The following SGTB variants were observed in gnomAD, a reference collection of about 807,000 sequenced individuals.
SGTB encodes the protein small glutamine rich tetratricopeptide repeat co-chaperone beta.
SGTB carries 19 observed loss-of-function variants against 43.9 expected under a neutral mutation model. That is an observed-to-expected ratio of 0.43 (90% CI 0.30 to 0.63). The LOEUF is 0.63. Ranked by LOEUF, SGTB falls within the 30% of genes least tolerant of loss-of-function variation. The probability of loss-of-function intolerance (pLI) is 0.12; values close to 1 mark genes in which losing one functional copy is unlikely to be tolerated. For synonymous variants in SGTB, 116 were observed against 117.3 expected, an observed-to-expected ratio of 0.99 and a Z score of 0.07; for missense variants, 304 against 358.9, an observed-to-expected ratio of 0.85 and a Z score of 1.24.
At chr5:65,716,803 G>A (rs1758160735) in intron 2 of SGTB, among the ~76,000 whole-genome samples, 1 of 151,934 alleles carries the variant, frequency 6.6e-6, no homozygotes. Flanking sequence ...CTGGGCTGAG[G>A]GCATAAATTT....
At chr5:65,700,391 G>A (rs781236124) in intron 5 of SGTB, among the ~76,000 whole-genome samples, 106 of 152,262 alleles carry the variant, frequency 7.0e-4, no homozygotes, top group Middle Eastern at 6.8e-3. Flanking sequence ...AGAATGAGCC[G>A]GGTGCGGTGG....
intron 8 of SGTB, among the ~76,000 whole-genome samples, chr5:65,676,942 G>A (rs1473687518): frequency 1.3e-5 from 2 of 149,742 alleles, no homozygotes; most frequent in Admixed American, 6.7e-5. Context: ...AACAAACCCC[G>A]AAGCTAGCAG....
intron 5 of SGTB, among the ~76,000 whole-genome samples, chr5:65,687,322 C>CACA (rs1445608568): frequency 3.9e-5 from 6 of 152,154 alleles, no homozygotes; most frequent in African/African-American, 1.4e-4. Context: ...GTATAAGGAG[C>CACA]ACAACCTTCC....
chr5:65,674,336 C>G (rs150496953), intron 8 of SGTB, among the ~76,000 whole-genome samples: 3 of 152,310 alleles, frequency 2.0e-5, no homozygotes, highest in African/African-American at 7.2e-5. Flanking sequence ...TCCTGTCACA[C>G]TTCCAGGAAA....
intron 5 of SGTB, among the ~76,000 whole-genome samples, chr5:65,699,354 G>T (rs1454809378): frequency 2.6e-5 from 4 of 152,198 alleles, no homozygotes; most frequent in Non-Finnish European, 4.4e-5. Context: ...AAGGCATACA[G>T]AGTAGTATAA....
chr5:65,686,053 T>C (rs1286704344), intron 5 of SGTB, among the ~76,000 whole-genome samples: 1 of 152,098 alleles, frequency 6.6e-6, no homozygotes, highest in Non-Finnish European at 1.5e-5. Flanking sequence ...TAGATCAAAA[T>C]CCCTGCAGTT....
chr5:65,700,491 C>T (rs1309241627), intron 5 of SGTB, among the ~76,000 whole-genome samples: 1 of 151,144 alleles, frequency 6.6e-6, no homozygotes, highest in African/African-American at 2.4e-5. Flanking sequence ...ACCTGGCTAA[C>T]GTGGTGAAAC....
At chr5:65,671,567 G>A (rs1285649559) in intron 10 of SGTB, among the ~76,000 whole-genome samples, 2 of 147,074 alleles carry the variant, frequency 1.4e-5, no homozygotes, top group Non-Finnish European at 3.0e-5. Flanking sequence ...TATTGAGATG[G>A]TGCCAAAAAA....
Position 65,671,915 on chromosome 5 carries a change from G to A in SGTB, c.803C>T (p.Ala268Val), listed in dbSNP as rs1454064664. 1.1e-5 allele frequency: 17 copies of A among 1,613,178 alleles called. No homozygotes were observed. Among genetic ancestry groups the A allele is most frequent in the East Asian group, 4.5e-5 (2 of 44,866 alleles). Residue 268 changes from alanine (A) to valine (V), a missense_variant and splice_region_variant, in exon 10 of 11, where the codon GCG (alanine) becomes GTG (valine). Transcript: ENST00000381007. ...TATTTCTGTTTTAAATAATACTTAC[G>A]CTTGGATGAGGCTTGACAGGTCAGT... The part of the protein sequence containing the change: ...GLTDLSSLIQ[A>V]GQQFAQQIQQ...
At chr5:65,710,061 T>G (rs1020956854) in intron 3 of SGTB, among the ~76,000 whole-genome samples, 1 of 152,180 alleles carries the variant, frequency 6.6e-6, no homozygotes, top group East Asian at 1.9e-4. Flanking sequence ...TATTTTTTTT[T>G]AAATCATTAT....
chr5:65,694,421 A>C (rs1757678538), intron 5 of SGTB, among the ~76,000 whole-genome samples: 1 of 152,110 alleles, frequency 6.6e-6, no homozygotes, highest in Admixed American at 6.6e-5. Flanking sequence ...GACAAGGAAA[A>C]AAAAGAAAAG....
intron 5 of SGTB, among the ~76,000 whole-genome samples, chr5:65,694,200 C>T (rs1282976934): frequency 3.3e-5 from 5 of 151,854 alleles, no homozygotes; most frequent in African/African-American, 1.2e-4. Context: ...GAGGCCGAGA[C>T]GGGTGGATCA....
In SGTB at chr5:65,708,556, A is replaced by C; in HGVS notation, c.207T>G (p.Asn69Lys). 1 of 1,611,694 alleles carries C rather than the reference A, an allele frequency of 6.2e-7. No homozygotes were observed. The highest frequency in any genetic ancestry group is 8.5e-7 in the Non-Finnish European group (1 of 1,178,942). The stretch of plus-strand genomic sequence containing the variant: ...CTGAGTTTGAAAGGGGCAGAACGTC[A>C]TTCTGAAATTAAATAAAAATCAATG... The part of the protein sequence containing the change: ...TEMFTSSFCK[N>K]DVLPLSNSVP... Residue 69 changes from asparagine (N) to lysine (K), a missense_variant and splice_region_variant, in exon 4 of 11, where the codon AAT (asparagine) becomes AAG (lysine). Transcript: ENST00000381007.
intron 8 of SGTB, among the ~76,000 whole-genome samples, chr5:65,679,705 A>G (rs550461783): frequency 6.6e-6 from 1 of 152,330 alleles, no homozygotes; most frequent in African/African-American, 2.4e-5. Flanking sequence ...TGCTTTTAAC[A>G]CTGTTGGTGG....
At chr5:65,675,728 T>C (rs1483395384) in intron 8 of SGTB, among the ~76,000 whole-genome samples, 1 of 152,170 alleles carries the variant, frequency 6.6e-6, no homozygotes, top group East Asian at 1.9e-4. Context: ...CAGAATTTCA[T>C]ATCTGGTCAA....
chr5:65,669,303 G>A lies in SGTB; in HGVS notation c.*943C>T, dbSNP rs879793644. On this transcript the variant is annotated 3_prime_UTR_variant, in exon 11 of 11. Coordinates refer to ENST00000381007, the MANE Select transcript of SGTB (RefSeq NM_019072.3). Reference sequence around the variant, plus strand: ...CTTTTTAAAAAAAATCAGTGTTTATGGGCACACAATTAAATACCATTTAGA... The same window carrying A: ...CTTTTTAAAAAAAATCAGTGTTTATAGGCACACAATTAAATACCATTTAGA... 6 of 152,098 alleles carry A rather than the reference G, an allele frequency of 3.9e-5. No homozygotes were observed. The highest frequency in any genetic ancestry group is 9.7e-5 in the African/African-American group (4 of 41,414). 9.4% of individuals were successfully genotyped at this position (152,098 alleles called of 1,614,324 possible). A position where few individuals can be genotyped will look rare whatever the true frequency, so the allele number is the denominator to read the frequency against.
chr5:65,673,029 A>T (rs1262007372), intron 8 of SGTB, among the ~76,000 whole-genome samples: 1 of 152,200 alleles, frequency 6.6e-6, no homozygotes, highest in Non-Finnish European at 1.5e-5. Flanking sequence ...AGCTATAAAC[A>T]TGAAATGCTG....
intron 6 of SGTB, among the ~76,000 whole-genome samples, chr5:65,684,857 T>C (rs1249330600): frequency 6.6e-6 from 1 of 152,208 alleles, no homozygotes; most frequent in Non-Finnish European, 1.5e-5. Flanking sequence ...CCAGCCAGAA[T>C]GCTTCCATTT....
chr5:65,721,952 G>A lies in SGTB; in HGVS notation c.-58C>T, dbSNP rs115454844. The A allele has an allele frequency of 0.016, 2,429 of 152,446 alleles. 71 individuals are homozygous for A. The highest frequency in any genetic ancestry group is 0.055 in the African/African-American group (2,291 of 41,554). The allele number at this position is 152,446 out of a possible 1,614,324, so 9.4% of individuals were successfully genotyped here. A position where few individuals can be genotyped will look rare whatever the true frequency, so the allele number is the denominator to read the frequency against. On this transcript the variant is annotated 5_prime_UTR_variant, in exon 1 of 11. Coordinates refer to ENST00000381007, the MANE Select transcript of SGTB (RefSeq NM_019072.3). ...GACGCGAGACGACTGCTGCTGGCCC[G>A]CGGGGTTCCGTAGGCAGGCCCGCCC...
Sources: gnomAD v4.1 joint callset for allele counts (sites outside exome capture counted in the v4.1 genomes callset) on GRCh38, gnomAD v4.1.1 for gene constraint, MANE v1.5 for transcripts, NCBI Gene and HGNC (gene_info 2026-07-23, HGNC 2026-07-21) for gene names.